FNBP1: variants seen among roughly 807,000 people sequenced by gnomAD.
The protein encoded by FNBP1 is formin binding protein 1.
In FNBP1, 26 loss-of-function variants were observed where a neutral mutation model predicts 90.6. The observed-to-expected ratio is 0.29, with a 90% CI of 0.21 to 0.40. The LOEUF is 0.40. Among genes scored for constraint, FNBP1 ranks in the 10% least tolerant of loss-of-function variants. The pLI, the probability that FNBP1 is intolerant of heterozygous loss-of-function variation, is 1.00. For synonymous variants in FNBP1, 260 were observed against 265.2 expected (o/e 0.98, Z 0.19); for missense variants, 635 against 768.0 (o/e 0.83, Z 2.05).
In FNBP1 at chr9:129,951,418, C is replaced by CTATTTATT. The variant is rs532417506; in HGVS notation, c.513+5934_513+5941dup. ...TGACTTGTACCTTCTTATATAATTT[C>CTATTTATT]TATTTATTTATTTATTTATTTATTT... On this transcript the variant is annotated intron_variant, in intron 6 of 16. Coordinates refer to ENST00000446176, the MANE Select transcript of FNBP1 (RefSeq NM_015033.3). Among the ~76,000 whole-genome samples the CTATTTATT allele has an allele frequency of 7.9e-3, 1,141 of 143,630 alleles. 12 individuals carry two copies. Among genetic ancestry groups the CTATTTATT allele is most frequent in the Middle Eastern group, 0.014 (4 of 284 alleles). 94.2% of individuals were successfully genotyped at this position (143,630 alleles called of 152,430 possible).
At chr9:130,005,155 G>C (rs1196710501) in intron 1 of FNBP1, among the ~76,000 whole-genome samples, 1 of 150,300 alleles carries the variant, frequency 6.7e-6, no homozygotes, top group Non-Finnish European at 1.5e-5. Flanking sequence ...AGAATCACTT[G>C]AACCAGGGAG....
At chr9:130,050,932 G>A in the FNBP1 span, among the ~76,000 whole-genome samples, 3 of 147,028 alleles carry the variant, frequency 2.0e-5, no homozygotes, top group Non-Finnish European at 3.0e-5. Context: ...ACAGAATCTC[G>A]CTCTGTCACA....
intron 6 of FNBP1, among the ~76,000 whole-genome samples, chr9:129,938,891 C>G (rs553995875): frequency 6.6e-6 from 1 of 152,116 alleles, no homozygotes; most frequent in Non-Finnish European, 1.5e-5. Context: ...TGATGGTTTC[C>G]AAGACTTGGC....
At chr9:129,978,301 G>A (rs1233937082) in intron 4 of FNBP1, 164 bp downstream of exon 4, 10 of 601,018 alleles carry the variant, frequency 1.7e-5, no homozygotes, top group South Asian at 1.6e-4. Context: ...TTACAGGCAT[G>A]AGCCACCGTG....
intron 6 of FNBP1, among the ~76,000 whole-genome samples, chr9:129,930,153 T>C (rs1004116201): frequency 6.6e-5 from 10 of 151,922 alleles, no homozygotes; most frequent in Non-Finnish European, 1.5e-4. Context: ...CTCAACCTCC[T>C]GGGTTCAAGC....
At chr9:129,896,459 C>T (rs1212488572) in intron 15 of FNBP1, among the ~76,000 whole-genome samples, 1 of 152,126 alleles carries the variant, frequency 6.6e-6, no homozygotes, top group South Asian at 2.1e-4. Context: ...TCTCAACTCA[C>T]TGCAACCTCC....
intron 1 of FNBP1, among the ~76,000 whole-genome samples, chr9:130,033,176 C>T (rs566445288): frequency 1.3e-5 from 2 of 152,252 alleles, no homozygotes; most frequent in East Asian, 1.9e-4. Context: ...AAGTACTTTA[C>T]GAACAATCTC....
At chr9:130,049,673 C>T in the FNBP1 span, among the ~76,000 whole-genome samples, 1 of 151,264 alleles carries the variant, frequency 6.6e-6, no homozygotes, top group Non-Finnish European at 1.5e-5. Flanking sequence ...CGCACTCCAG[C>T]CCGGGAAACA....
intron 9 of FNBP1, among the ~76,000 whole-genome samples, chr9:129,924,510 A>G (rs1380339235): frequency 2.0e-5 from 3 of 152,226 alleles, no homozygotes; most frequent in Non-Finnish European, 4.4e-5. Context: ...TCATGCACCT[A>G]TGTATCGCAC....
chr9:130,011,627 A>C (rs1172241494), intron 1 of FNBP1, among the ~76,000 whole-genome samples: 1 of 152,180 alleles, frequency 6.6e-6, no homozygotes, highest in African/African-American at 2.4e-5. Context: ...GGCCTTCACC[A>C]GTCACTGAAC....
chr9:129,958,561 G>A lies in FNBP1; in HGVS notation c.346-8C>T. The stretch of plus-strand genomic sequence containing the variant: ...ACGGCCATCGTGAAAGTTCTGCAAA[G>A]GGGAAAACACACTGGTGATTAGTAC... On this transcript the variant is annotated splice_region_variant and splice_polypyrimidine_tract_variant and intron_variant, in intron 4 of 16. Coordinates refer to ENST00000446176, the MANE Select transcript of FNBP1 (RefSeq NM_015033.3). The A allele has an allele frequency of 6.3e-7, 1 of 1,590,326 alleles. No individual in the cohort carries two copies. The highest frequency in any genetic ancestry group is 1.1e-5 in the South Asian group (1 of 87,566).
At chr9:129,968,379 G>A (rs1220065418) in intron 4 of FNBP1, among the ~76,000 whole-genome samples, 1 of 118,148 alleles carries the variant, frequency 8.5e-6, no homozygotes, top group Non-Finnish European at 1.7e-5. Context: ...TGGGCAACAA[G>A]AGCAAAACTC....
At chr9:130,007,889 G>C (rs1296563113) in intron 1 of FNBP1, among the ~76,000 whole-genome samples, 2 of 151,344 alleles carry the variant, frequency 1.3e-5, no homozygotes, top group Non-Finnish European at 1.5e-5. Flanking sequence ...GGTGGCGAGC[G>C]CCTGTAATCC....
intron 1 of FNBP1, among the ~76,000 whole-genome samples, chr9:130,001,071 C>T (rs1212874583): frequency 1.3e-5 from 2 of 152,080 alleles, no homozygotes; most frequent in South Asian, 2.1e-4. Flanking sequence ...TGGTGGCTCA[C>T]GCCTGTAATC....
chr9:129,980,470 T>G (rs1034343161), intron 2 of FNBP1, among the ~76,000 whole-genome samples: 3 of 151,940 alleles, frequency 2.0e-5, no homozygotes, highest in African/African-American at 7.3e-5. Flanking sequence ...TTGAAGGAAG[T>G]CAAGACAATA....
chr9:130,002,028 CAA>C (rs56320987), intron 1 of FNBP1, among the ~76,000 whole-genome samples: 65,759 of 82,774 alleles, frequency 0.79, 25,286 homozygotes, highest in East Asian at 0.85. Context: ...ACTTCTGCCT[CAA>C]AAAAAAAAAA....
At chr9:129,902,846 T>C (rs2037216299) in intron 13 of FNBP1, 23 bp downstream of exon 13, 1 of 1,611,876 alleles carries the variant, frequency 6.2e-7, no homozygotes, top group South Asian at 1.1e-5. Flanking sequence ...CCAACAAAGC[T>C]TTCCACAACA....
chr9:129,963,023 C>T (rs1435980351), intron 4 of FNBP1, among the ~76,000 whole-genome samples: 1 of 152,166 alleles, frequency 6.6e-6, no homozygotes, highest in East Asian at 1.9e-4. Context: ...ATTTCCTAAG[C>T]CGGAGCACCG....
chr9:130,007,494 A>C (rs1239486309), intron 1 of FNBP1, among the ~76,000 whole-genome samples: 1 of 152,124 alleles, frequency 6.6e-6, no homozygotes, highest in East Asian at 1.9e-4. Context: ...AAAAAGTGCC[A>C]GAATTTTGAC....
Sources: allele counts gnomAD v4.1 joint callset (sites outside exome capture counted in the v4.1 genomes callset), GRCh38; gene constraint gnomAD v4.1.1; transcripts MANE v1.5; gene names NCBI Gene and HGNC (gene_info 2026-07-23, HGNC 2026-07-21).